The following PCDHA13 variants were observed in gnomAD, a reference collection of about 807,000 sequenced individuals.
PCDHA13 encodes the protein protocadherin alpha 13.
PCDHA13 carries 54 observed loss-of-function variants against 64.8 expected under a neutral mutation model. The ratio of observed to expected loss-of-function variants is 0.83; its 90% CI spans 0.67 to 1.04. The LOEUF (loss-of-function observed/expected upper bound fraction) is 1.04, where lower values mean the gene tolerates loss of function less well. PCDHA13 is among the 50% of genes least tolerant of loss of function. The pLI, the probability that PCDHA13 is intolerant of heterozygous loss-of-function variation, is 0.00. For missense variants in PCDHA13, 1,248 were observed against 1,254.3 expected, an observed-to-expected ratio of 0.99 and a Z score of 0.08; for synonymous variants, 587 against 564.4, an observed-to-expected ratio of 1.04 and a Z score of -0.57.
In PCDHA13 at chr5:140,884,600, C is replaced by T; in HGVS notation, c.2332C>T (p.Pro778Ser). The change falls in exon 1 of 4, where the codon CCT becomes TCT. Residue 778 changes from proline (P) to serine (S), a missense_variant. Physicochemically the swap from Pro to Ser is moderately conservative, Grantham distance 74. Transcript: ENST00000289272. The stretch of plus-strand genomic sequence containing the variant: ...CATGGCCTTCAGTCCCAGCCTTCCT[C>T]CTTGTCTGGGTTCTGCAGAGGGAAC... ...DLMAFSPSLP[P>S]CLGSAEGTGQ... 1 of 1,614,150 alleles carries T rather than the reference C, an allele frequency of 6.2e-7. No homozygotes were observed. The highest frequency in any genetic ancestry group is 8.5e-7 in the Non-Finnish European group (1 of 1,180,006).
At chr5:140,959,414 C>T (rs1408668310) in intron 1 of PCDHA13, among the ~76,000 whole-genome samples, 3 of 151,996 alleles carry the variant, frequency 2.0e-5, no homozygotes, top group African/African-American at 7.2e-5. Context: ...GTTGATTGAT[C>T]TGAGAATTTG....
At position 140,916,615 on chromosome 5, in the gene PCDHA13, T is replaced by C. The variant is rs191815089; in HGVS notation, c.2394+31953T>C. Among the ~76,000 whole-genome samples the C allele has an allele frequency of 2.6e-5, 4 of 152,270 alleles. No homozygotes were observed. In the East Asian group the frequency reaches 5.8e-4, roughly 22 times the overall value. On this transcript the variant is annotated intron_variant, in intron 1 of 3. Transcript: ENST00000289272. ...GGGCCTGGAATGCGGGCCTCATGAC[T>C]CTACTCAATGCCCTATCCTACTGTG...
intron 3 of PCDHA13, among the ~76,000 whole-genome samples, chr5:141,006,466 G>T (rs2153987717): frequency 6.6e-6 from 1 of 152,178 alleles, no homozygotes; most frequent in South Asian, 2.1e-4. Context: ...GCCTGTCTCG[G>T]CCTCCCAAAG....
intron 1 of PCDHA13, among the ~76,000 whole-genome samples, chr5:140,904,937 A>C (rs2071485651): frequency 6.6e-6 from 1 of 152,190 alleles, no homozygotes; most frequent in Non-Finnish European, 1.5e-5. Flanking sequence ...GGTTCTGGAT[A>C]TTAGTCCTTT....
At chr5:141,005,093 G>A (rs1441843884) in intron 3 of PCDHA13, among the ~76,000 whole-genome samples, 1 of 152,172 alleles carries the variant, frequency 6.6e-6, no homozygotes, top group East Asian at 1.9e-4. Flanking sequence ...TACTTTACAT[G>A]CATTACATCA....
chr5:140,982,035 A>G (rs950479755), intron 2 of PCDHA13, among the ~76,000 whole-genome samples: 2 of 152,280 alleles, frequency 1.3e-5, no homozygotes, highest in Admixed American at 1.3e-4. Context: ...CAATACTCCA[A>G]TTATCAGAAA....
intron 1 of PCDHA13, chr5:140,968,070 A>T: frequency 6.2e-7 from 1 of 1,614,152 alleles, no homozygotes; most frequent in Non-Finnish European, 8.5e-7. Context: ...GTGGCTGTCT[A>T]CAACATCACG....
At chr5:140,915,083 C>T in intron 1 of PCDHA13, among the ~76,000 whole-genome samples, 1 of 151,628 alleles carries the variant, frequency 6.6e-6, no homozygotes, top group East Asian at 1.9e-4. Flanking sequence ...GTAGCTGGGA[C>T]TATGGGCACG....
At chr5:140,948,136 T>C (rs2094216707) in intron 1 of PCDHA13, among the ~76,000 whole-genome samples, 1 of 151,776 alleles carries the variant, frequency 6.6e-6, no homozygotes, top group African/African-American at 2.4e-5. Flanking sequence ...ATTACACTAA[T>C]TGATTTTTGA....
intron 1 of PCDHA13, chr5:140,927,305 C>A: frequency 6.2e-7 from 1 of 1,614,190 alleles, no homozygotes; most frequent in African/African-American, 1.3e-5. Flanking sequence ...GAGTTCCTGA[C>A]GCCCGGAGCC....
chr5:140,931,304 G>A (rs1218460625), intron 1 of PCDHA13, among the ~76,000 whole-genome samples: 13 of 152,056 alleles, frequency 8.5e-5, no homozygotes, highest in Non-Finnish European at 1.9e-4. Context: ...CAAAAAGAGA[G>A]GAGAATACCA....
At chr5:140,971,244 A>G (rs1389573593) in intron 1 of PCDHA13, among the ~76,000 whole-genome samples, 6 of 152,174 alleles carry the variant, frequency 3.9e-5, no homozygotes, top group Non-Finnish European at 8.8e-5. Context: ...GGGCAATTTG[A>G]TACATAAACT....
rs35680913 is a variant in PCDHA13 at position 140,961,887 on chromosome 5, GT to G, written c.2395-17048del. Among the ~76,000 whole-genome samples, 881 of 143,912 alleles carry G rather than the reference GT, an allele frequency of 6.1e-3. 6 individuals carry two copies. The highest frequency in any genetic ancestry group is 0.018 in the African/African-American group (705 of 39,388). The allele number at this position is 143,912 out of a possible 152,430, so 94.4% of individuals were successfully genotyped here. ...ACAGATAATTGACTTACTTACATCA[GT>G]TTTTTTTTTTTTTGAGATGGAGTCT... On this transcript the variant is annotated intron_variant, in intron 1 of 3. Coordinates refer to ENST00000289272, the MANE Select transcript of PCDHA13 (RefSeq NM_018904.3).
intron 1 of PCDHA13, among the ~76,000 whole-genome samples, chr5:140,941,214 CCTTTCTTTCTTT>C (rs60032403): frequency 3.3e-5 from 4 of 122,414 alleles, no homozygotes; most frequent in Non-Finnish European, 6.8e-5. Flanking sequence ...TTTCTTTCTT[CCTTTCTTTCTTT>C]CTTTCTTTCT....
rs546551059 is a variant in PCDHA13, at chr5:140,918,074, G to A, written c.2394+33412G>A. Among the ~76,000 whole-genome samples, 10 of 152,214 alleles carry A rather than the reference G, an allele frequency of 6.6e-5. No individual in the cohort carries two copies. The East Asian group carries it at 1.9e-3, about 29-fold the overall frequency. On this transcript the variant is annotated intron_variant, in intron 1 of 3. Transcript: ENST00000289272. ...TTATCATCTCTGATTTCTTTCAGTA[G>A]TGTTTTATAATTCTTTTTATAGAGA...
At chr5:140,982,237 G>T (rs2096973071) in intron 2 of PCDHA13, 1 of 665,404 alleles carries the variant, frequency 1.5e-6, no homozygotes, top group East Asian at 3.5e-5. Context: ...AAACAGAATT[G>T]CCATAAAGAT....
At chr5:141,003,771 T>G (rs1301111940) in intron 3 of PCDHA13, among the ~76,000 whole-genome samples, 4 of 152,250 alleles carry the variant, frequency 2.6e-5, no homozygotes, top group African/African-American at 9.6e-5. Context: ...CGTATTCTGT[T>G]AAATAAACTT....
chr5:140,893,312 A>C (rs2063923388), intron 1 of PCDHA13, among the ~76,000 whole-genome samples: 1 of 152,106 alleles, frequency 6.6e-6, no homozygotes, highest in Non-Finnish European at 1.5e-5. Context: ...TAGTTTTTTG[A>C]GGGACTCCCA....
chr5:141,000,314 A>T (rs2097900305), intron 3 of PCDHA13, among the ~76,000 whole-genome samples: 1 of 145,492 alleles, frequency 6.9e-6, no homozygotes, highest in East Asian at 2.0e-4. Context: ...GTTCAAGACC[A>T]GCTTGGGCAA....
Sources: allele counts gnomAD v4.1 joint callset (sites outside exome capture counted in the v4.1 genomes callset), GRCh38; gene constraint gnomAD v4.1.1; transcripts MANE v1.5; gene names NCBI Gene and HGNC (gene_info 2026-07-23, HGNC 2026-07-21).